The following MRPL34 variants were observed in gnomAD, a reference collection of about 807,000 sequenced individuals.
MRPL34 encodes mitochondrial ribosomal protein L34.
In MRPL34, 8 loss-of-function variants were observed where a neutral mutation model predicts 6.7. The observed-to-expected ratio is 1.20, with a 90% CI of 0.70 to 2.16. The LOEUF (loss-of-function observed/expected upper bound fraction) is 2.16. MRPL34 is among the 30% of genes most tolerant of loss of function. The pLI is 0.00. For missense variants in MRPL34, 146 were observed against 125.5 expected (o/e 1.16, Z -0.78); for synonymous variants, 59 against 55.1 (o/e 1.07, Z -0.31).
In MRPL34 at chr19:17,306,433, C is replaced by T; in HGVS notation, c.*54C>T. ...ATGGAAGCATCGCCCTCGCCTCGGACCTTGCCTGGCGCTATTTTTGCAGGG... is the reference window on the plus strand; with the variant it reads ...ATGGAAGCATCGCCCTCGCCTCGGATCTTGCCTGGCGCTATTTTTGCAGGG... On this transcript the variant is annotated 3_prime_UTR_variant, in exon 2 of 2. Transcript: ENST00000252602. 6.9e-7 allele frequency: 1 copy of T among 1,455,616 alleles called. No homozygotes were observed. Among genetic ancestry groups the T allele is most frequent in the Admixed American group, 2.5e-5 (1 of 40,370 alleles). 90.2% of individuals were successfully genotyped at this position (1,455,616 alleles called of 1,614,324 possible). A position where few individuals can be genotyped will look rare whatever the true frequency, so the allele number is the denominator to read the frequency against.
At chr19:17,300,946 G>T, upstream of MRPL34, 1 of 1,613,574 alleles carries the variant, frequency 6.2e-7, no homozygotes, top group Non-Finnish European at 8.5e-7. Flanking sequence ...GAAGGTGTAG[G>T]CTGCGGCCAC....
In MRPL34 at chr19:17,306,524, G is replaced by A. The variant is rs868201061; in HGVS notation, c.*145G>A. On this transcript the variant is annotated 3_prime_UTR_variant, in exon 2 of 2. Transcript: ENST00000252602. ...TATTGTGGGGTTGAAGTCTGGATGGGAGCTTGCCAAGTCCCTTTTTAGGCT... is the reference window on the plus strand; with the variant it reads ...TATTGTGGGGTTGAAGTCTGGATGGAAGCTTGCCAAGTCCCTTTTTAGGCT... The A allele has an allele frequency of 9.6e-6, 7 of 731,672 alleles. No homozygotes were observed. The highest frequency in any genetic ancestry group is 7.9e-4 in the Middle Eastern group (2 of 2,530). 45.3% of individuals were successfully genotyped at this position (731,672 alleles called of 1,614,324 possible). A position where few individuals can be genotyped will look rare whatever the true frequency, so the allele number is the denominator to read the frequency against.
At chr19:17,301,776 TTGTGTGTGTGTGTGTGTG>T (rs10679164), upstream of MRPL34, among the ~76,000 whole-genome samples, 1 of 147,354 alleles carries the variant, frequency 6.8e-6, no homozygotes, top group African/African-American at 2.5e-5. Flanking sequence ...ATTTTTTTGT[TTGTGTGTGTGTGTGTGTG>T]TGTGTGTGTG....
Position 17,306,169 on chromosome 19 carries a change from G to A in MRPL34, c.69G>A (p.Trp23Ter). The A allele has an allele frequency of 6.6e-7, 1 of 1,520,792 alleles. No homozygotes were observed. The allele number at this position is 1,520,792 out of a possible 1,614,324, so 94.2% of individuals were successfully genotyped here. ...SRSAALLGGR[W>*]LQPRAWLGFP... Reference sequence around the variant, plus strand: ...CGCCGTCCCTCTACCCACGCAGGTGGCTCCAGCCCCGGGCCTGGCTGGGGT... The same window carrying A: ...CGCCGTCCCTCTACCCACGCAGGTGACTCCAGCCCCGGGCCTGGCTGGGGT... The change falls in exon 2 of 2, where the codon TGG becomes TGA. Residue 23 changes from tryptophan to a stop codon, truncating the protein, a stop_gained. Transcript: ENST00000252602. LOFTEE classifies it high-confidence loss of function.
chr19:17,306,473 A>G lies in MRPL34; in HGVS notation c.*94A>G. 1 of 1,186,460 alleles carries G rather than the reference A, an allele frequency of 8.4e-7. No individual in the cohort carries two copies. 73.5% of individuals were successfully genotyped at this position (1,186,460 alleles called of 1,614,324 possible). A position where few individuals can be genotyped will look rare whatever the true frequency, so the allele number is the denominator to read the frequency against. ...TTTTTGCAGGGAGCTGGGGAGCAGGAACGCCTCGGACCTGAGTGCTCTCCA... is the reference window on the plus strand; with the variant it reads ...TTTTTGCAGGGAGCTGGGGAGCAGGGACGCCTCGGACCTGAGTGCTCTCCA... On this transcript the variant is annotated 3_prime_UTR_variant, in exon 2 of 2. Transcript: ENST00000252602.
chr19:17,294,420 C>T, intron 1 of MRPL34: 1 of 1,614,106 alleles, frequency 6.2e-7, no homozygotes, highest in African/African-American at 1.3e-5. Context: ...TCATCATGGC[C>T]CGGAGTACGA....
chr19:17,303,600 G>C (rs2074132111), upstream of MRPL34: 1 of 152,422 alleles, frequency 6.6e-6, no homozygotes, highest in Non-Finnish European at 1.5e-5. Context: ...CGAGGTTGGG[G>C]GAGGGATGGG....
chr19:17,292,770 C>T, exon 1 of MRPL34: 1 of 1,613,760 alleles, frequency 6.2e-7, no homozygotes, highest in Non-Finnish European at 8.5e-7. Flanking sequence ...CGTCTCAGGG[C>T]ATTCCAGCAT....
upstream of MRPL34, chr19:17,292,590 G>T: frequency 6.7e-7 from 1 of 1,485,930 alleles, no homozygotes; most frequent in Non-Finnish European, 9.0e-7. Context: ...CTGCGCTGCA[G>T]ACCTGGCGCA....
At chr19:17,299,452 T>G (rs949318339), upstream of MRPL34, among the ~76,000 whole-genome samples, 1 of 148,256 alleles carries the variant, frequency 6.7e-6, no homozygotes, top group Admixed American at 6.9e-5. Context: ...TCCCAGCTAC[T>G]AGGGAGGCTG....
upstream of MRPL34, among the ~76,000 whole-genome samples, chr19:17,301,821 TCTCGCTTTGTCATCCAGGCTGGAGGGCA>T (rs2145660860): frequency 6.6e-6 from 1 of 151,454 alleles, no homozygotes; most frequent in East Asian, 1.9e-4. Context: ...TTTGAGACAG[TCTCGCTTTGTCATCCAGGCTGGAGGGCA>T]GTGGCCGGAT....
chr19:17,305,627 A>G (rs2074142022), upstream of MRPL34: 6 of 522,736 alleles, frequency 1.1e-5, no homozygotes, highest in Non-Finnish European at 2.1e-5. Context: ...CGCGGGAGAT[A>G]ATGCCTTGTG....
upstream of MRPL34, among the ~76,000 whole-genome samples, chr19:17,299,284 T>A (rs1370270050): frequency 7.1e-6 from 1 of 139,888 alleles, no homozygotes; most frequent in African/African-American, 2.7e-5. Context: ...AAAATTGGCC[T>A]GGTGCGTTGG....
rs1241298219 is a variant in MRPL34, at chr19:17,294,283, T to G, written c.214+1429T>G. On this transcript the variant is annotated intron_variant, in intron 1 of 2. Coordinates refer to the MRPL34 transcript ENST00000595444. Reference sequence around the variant, plus strand: ...AGCTGTGGCGCCCCAGGTGCCCGCCTCTACCTCGGCCATGCGCTGGTCTTC... The same window carrying G: ...AGCTGTGGCGCCCCAGGTGCCCGCCGCTACCTCGGCCATGCGCTGGTCTTC... The G allele has an allele frequency of 3.1e-6, 5 of 1,598,826 alleles. No individual in the cohort carries two copies. In the East Asian group the frequency reaches 8.9e-5, roughly 29 times the overall value.
upstream of MRPL34, among the ~76,000 whole-genome samples, chr19:17,299,418 A>G (rs1174586077): frequency 2.0e-5 from 3 of 151,916 alleles, no homozygotes; most frequent in South Asian, 4.2e-4. Flanking sequence ...AAAATTAGCC[A>G]GGCATGGTAG....
intron 1 of MRPL34, among the ~76,000 whole-genome samples, chr19:17,295,991 G>A (rs1419835505): frequency 1.3e-5 from 2 of 150,120 alleles, no homozygotes; most frequent in Non-Finnish European, 3.0e-5. Context: ...GATTATAGGC[G>A]TGAGCCGTGA....
chr19:17,300,669 G>C, upstream of MRPL34, among the ~76,000 whole-genome samples: 1 of 152,236 alleles, frequency 6.6e-6, no homozygotes, highest in East Asian at 1.9e-4. Flanking sequence ...GTAGAGACGG[G>C]GTTTCACCAC....
intron 1 of MRPL34, 54 bp downstream of exon 1, chr19:17,306,011 G>A (rs1396383802): frequency 1.2e-6 from 2 of 1,602,046 alleles, no homozygotes; most frequent in African/African-American, 2.7e-5. Flanking sequence ...CGGCTTCGGA[G>A]GCTGGCGCCA....
chr19:17,301,640 G>T (rs764619853), upstream of MRPL34: 4 of 1,519,938 alleles, frequency 2.6e-6, no homozygotes, highest in Non-Finnish European at 3.5e-6. Context: ...AGTGAGGACA[G>T]CAGCCAGTTC....
Sources: allele counts gnomAD v4.1 joint callset (sites outside exome capture counted in the v4.1 genomes callset), GRCh38; gene constraint gnomAD v4.1.1; transcripts MANE v1.5; gene names NCBI Gene and HGNC (gene_info 2026-07-23, HGNC 2026-07-21).